Variants in GSR observed in about 807,000 individuals in gnomAD.
GSR encodes the protein glutathione reductase, mitochondrial.
A neutral mutation model predicts 56.5 loss-of-function variants in GSR; 48 were observed. The ratio of observed to expected loss-of-function variants is 0.85; its 90% confidence interval spans 0.67 to 1.08. The LOEUF is 1.08. Ranked by LOEUF, GSR falls within the 50% of genes least tolerant of loss-of-function variation. GSR has a pLI of 0.00. For missense variants in GSR, 694 were observed against 703.3 expected, an observed-to-expected ratio of 0.99 and a Z score of 0.15; for synonymous variants, 264 against 270.8, an observed-to-expected ratio of 0.97 and a Z score of 0.25.
rs375554786 is a variant in GSR, at chr8:30,684,167, G to C, written c.1074C>G (p.Ile358Met). The C allele has an allele frequency of 1.2e-6, 2 of 1,607,026 alleles. No homozygotes were observed. The highest frequency in any genetic ancestry group is 1.7e-6 in the Non-Finnish European group (2 of 1,173,634). Residue 358 changes from isoleucine to methionine, a missense_variant, in exon 10 of 13, where the codon ATC (isoleucine) becomes ATG (methionine). Transcript: ENST00000221130. ...GIQTDDKGHI[I>M]VDEFQNTNVK... ...CGTTGGTATTCTGGAATTCGTCTAC[G>C]ATGATATGACCCTTGTCATCGGTTT...
At chr8:30,703,765 G>T (rs2128744528) in intron 4 of GSR, among the ~76,000 whole-genome samples, 1 of 149,772 alleles carries the variant, frequency 6.7e-6, no homozygotes, top group African/African-American at 2.5e-5. Context: ...GAAGAAGAAG[G>T]AAGGAGGGAA....
intron 4 of GSR, among the ~76,000 whole-genome samples, chr8:30,706,609 A>C (rs1184976428): frequency 6.6e-6 from 1 of 152,172 alleles, no homozygotes; most frequent in Non-Finnish European, 1.5e-5. Flanking sequence ...ATTGTCAAGG[A>C]AAAGGAGAGT....
intron 1 of GSR, among the ~76,000 whole-genome samples, chr8:30,724,807 G>A (rs1053784295): frequency 5.9e-5 from 9 of 152,090 alleles, no homozygotes; most frequent in African/African-American, 1.2e-4. Context: ...AAGTGCTGGC[G>A]TGAGCCATCA....
intron 8 of GSR, among the ~76,000 whole-genome samples, chr8:30,689,904 T>C (rs959899756): frequency 1.4e-5 from 2 of 143,006 alleles, no homozygotes; most frequent in Non-Finnish European, 3.0e-5. Flanking sequence ...TATATTTTTA[T>C]TAAATATATG....
rs1380135394 is a variant in GSR, at chr8:30,678,382, C to G, written c.*1138G>C. The G allele has an allele frequency of 7.6e-6, 1 of 132,116 alleles. No individual in the cohort carries two copies. Among genetic ancestry groups the G allele is most frequent in the Non-Finnish European group, 1.6e-5 (1 of 63,528 alleles). 8.2% of individuals were successfully genotyped at this position (132,116 alleles called of 1,614,324 possible). On this transcript the variant is annotated 3_prime_UTR_variant, in exon 13 of 13. Coordinates refer to ENST00000221130, the MANE Select transcript of GSR (RefSeq NM_000637.5). The stretch of plus-strand genomic sequence containing the variant: ...ATATTTTTTTTTTTTTTTTTTGAGA[C>G]AGGGTCTTGCTCTGTTGTCCAAGAT...
rs780570686 is a variant in GSR at position 30,694,897 on chromosome 8, C to CAAA, written c.795+1480_795+1482dup. Reference sequence around the variant, plus strand: ...TGGGCAACACAGTGAGACTCTGTCTCAAAAAAAAAAAAAAAAAAAAATTAG... The same window carrying CAAA: ...TGGGCAACACAGTGAGACTCTGTCTCAAAAAAAAAAAAAAAAAAAAAAAATTAG... On this transcript the variant is annotated intron_variant, in intron 7 of 12. Transcript: ENST00000221130. Among the ~76,000 whole-genome samples the CAAA allele has an allele frequency of 6.0e-3, 602 of 99,660 alleles. 10 individuals carry two copies. Among genetic ancestry groups the CAAA allele is most frequent in the Middle Eastern group, 0.011 (2 of 180 alleles). 65.4% of individuals were successfully genotyped at this position (99,660 alleles called of 152,430 possible). A position where few individuals can be genotyped will look rare whatever the true frequency, so the allele number is the denominator to read the frequency against.
rs60532553 is a variant in GSR at position 30,710,714 on chromosome 8, C to CAAAA, written c.334-816_334-813dup. On this transcript the variant is annotated intron_variant, in intron 2 of 12. Coordinates refer to ENST00000221130, the MANE Select transcript of GSR (RefSeq NM_000637.5). ...CCTGGGCAAGAGTGAGACTCTGTCTCAAAAAAAAAAAAAAAAAAAAAAAAA... is the reference window on the plus strand; with the variant it reads ...CCTGGGCAAGAGTGAGACTCTGTCTCAAAAAAAAAAAAAAAAAAAAAAAAAAAAA... Among the ~76,000 whole-genome samples the CAAAA allele has an allele frequency of 1.7e-3, 85 of 50,978 alleles. 2 individuals are homozygous for CAAAA. The highest frequency in any genetic ancestry group is 5.2e-3 in the African/African-American group (79 of 15,156). 33.4% of individuals were successfully genotyped at this position (50,978 alleles called of 152,430 possible). A position where few individuals can be genotyped will look rare whatever the true frequency, so the allele number is the denominator to read the frequency against.
chr8:30,689,151 GC>G lies in GSR; in HGVS notation c.1041+9del, dbSNP rs1803272524. ...TTCACAAATGTTTCGGGCAGACCAA[GC>G]CAGCTTACCAGTTTGTTTAAACTCA... On this transcript the variant is annotated intron_variant, in intron 9 of 12. Coordinates refer to ENST00000221130, the MANE Select transcript of GSR (RefSeq NM_000637.5). 6.2e-7 allele frequency: 1 copy of G among 1,613,556 alleles called. No individual in the cohort carries two copies. Among genetic ancestry groups the G allele is most frequent in the East Asian group, 2.2e-5 (1 of 44,878 alleles).
At chr8:30,723,944 C>T (rs1804641522) in intron 1 of GSR, among the ~76,000 whole-genome samples, 2 of 152,186 alleles carry the variant, frequency 1.3e-5, no homozygotes, top group Admixed American at 1.3e-4. Flanking sequence ...AATCTCACTA[C>T]CTGTAAATGA....
In GSR at chr8:30,727,753, A is replaced by G; in HGVS notation, c.83T>C (p.Leu28Pro). 9 of 1,390,806 alleles carry G rather than the reference A, an allele frequency of 6.5e-6. No individual in the cohort carries two copies. Among genetic ancestry groups the G allele is most frequent in the Non-Finnish European group, 8.4e-6 (9 of 1,073,424 alleles). The allele number at this position is 1,390,806 out of a possible 1,614,324, so 86.2% of individuals were successfully genotyped here. A position where few individuals can be genotyped will look rare whatever the true frequency, so the allele number is the denominator to read the frequency against. Residue 28 changes from leucine to proline, a missense_variant, in exon 1 of 13, where the codon CTG becomes CCG. Leu to Pro is a moderately conservative substitution (Grantham distance 98). Coordinates refer to ENST00000221130, the MANE Select transcript of GSR (RefSeq NM_000637.5). Reference sequence around the variant, plus strand: ...GAGGGCCGCGGGCTCGGGCAGAAGCAGCAGGAAGCCTCGGAAGGCGCGCGC... The same window carrying G: ...GAGGGCCGCGGGCTCGGGCAGAAGCGGCAGGAAGCCTCGGAAGGCGCGCGC... ...RAARAFRGFL[L>P]LLPEPAALTR...
intron 1 of GSR, among the ~76,000 whole-genome samples, chr8:30,717,877 A>G (rs1390438891): frequency 2.0e-5 from 3 of 152,082 alleles, no homozygotes; most frequent in Admixed American, 6.6e-5. Context: ...GAGGCGGGCA[A>G]TTACCTGAGG....
chr8:30,713,898 C>T (rs1473109169), intron 1 of GSR, among the ~76,000 whole-genome samples: 1 of 152,130 alleles, frequency 6.6e-6, no homozygotes, highest in Admixed American at 6.6e-5. Flanking sequence ...CGGGTAACTA[C>T]AGACAGGTTA....
chr8:30,727,496 G>T, intron 1 of GSR, 34 bp downstream of exon 1: 1 of 1,523,682 alleles, frequency 6.6e-7, no homozygotes. Flanking sequence ...AGACAAAGAG[G>T]CGCCCCCCGC....
At chr8:30,691,662 CAGAGAG>C (rs1205004862) in intron 8 of GSR, among the ~76,000 whole-genome samples, 1 of 145,966 alleles carries the variant, frequency 6.9e-6, no homozygotes, top group Non-Finnish European at 1.5e-5. Flanking sequence ...GCCTGAGCAA[CAGAGAG>C]AAATTCTATC....
At chr8:30,722,674 G>A (rs1472812431) in intron 1 of GSR, among the ~76,000 whole-genome samples, 1 of 146,796 alleles carries the variant, frequency 6.8e-6, no homozygotes, top group Non-Finnish European at 1.5e-5. Context: ...CAAGGTTGCA[G>A]TGAGCTATGA....
At chr8:30,686,858 C>G (rs529506736) in intron 9 of GSR, among the ~76,000 whole-genome samples, 1 of 146,878 alleles carries the variant, frequency 6.8e-6, no homozygotes, top group African/African-American at 2.5e-5. Flanking sequence ...TTTTTTGAGA[C>G]GGAGTTTTGC....
intron 11 of GSR, 117 bp downstream of exon 11, chr8:30,681,813 A>C: frequency 1.0e-6 from 1 of 954,318 alleles, no homozygotes; most frequent in South Asian, 1.3e-5. Context: ...GTAACCAAAA[A>C]GCAATGTAAT....
At chr8:30,689,844 A>ATTATATATAAATATAT (rs1241903829) in intron 8 of GSR, among the ~76,000 whole-genome samples, 1 of 143,170 alleles carries the variant, frequency 7.0e-6, no homozygotes, top group African/African-American at 2.5e-5. Flanking sequence ...ACATATGCAT[A>ATTATATATAAATATAT]TTATATATAA....
chr8:30,696,262 C>A, intron 7 of GSR, 118 bp downstream of exon 7: 2 of 794,762 alleles, frequency 2.5e-6, no homozygotes, highest in Admixed American at 3.6e-5. Context: ...CCATATGAAA[C>A]CAACCAAATG....
Sources: gnomAD v4.1 joint callset for allele counts (sites outside exome capture counted in the v4.1 genomes callset) on GRCh38, gnomAD v4.1.1 for gene constraint, MANE v1.5 for transcripts, NCBI Gene and HGNC (gene_info 2026-07-23, HGNC 2026-07-21) for gene names.